The following CHSY3 variants were observed in gnomAD, a reference collection of about 807,000 sequenced individuals.
CHSY3 encodes the protein chondroitin sulfate synthase 3.
CHSY3 carries 35 observed loss-of-function variants against 67.2 expected under a neutral mutation model. That is an observed-to-expected ratio of 0.52 (90% CI 0.40 to 0.69). CHSY3 has a LOEUF of 0.69. Ranked by LOEUF, CHSY3 falls within the 30% of genes least tolerant of loss-of-function variation. The pLI is 0.00. For missense variants in CHSY3, 1,069 were observed against 1,138.5 expected (o/e 0.94, Z 0.88); for synonymous variants, 474 against 434.7 (o/e 1.09, Z -1.12).
intron 2 of CHSY3, among the ~76,000 whole-genome samples, chr5:130,135,293 C>A (rs1037684990): frequency 6.6e-6 from 1 of 151,680 alleles, no homozygotes; most frequent in Admixed American, 6.6e-5. Context: ...TACACACACA[C>A]ACACCCTGTG....
intron 2 of CHSY3, among the ~76,000 whole-genome samples, chr5:129,959,385 G>T (rs949038175): frequency 2.0e-5 from 3 of 151,998 alleles, no homozygotes; most frequent in Non-Finnish European, 4.4e-5. Context: ...CTACCTATGG[G>T]ATTGTAGTTT....
In CHSY3 at chr5:130,177,608, T is replaced by C. The variant is rs1056334924; in HGVS notation, c.1087-6621T>C. 6.6e-5 allele frequency among the ~76,000 whole-genome samples: 10 copies of C among 152,270 alleles called. No homozygotes were observed. In the East Asian group the frequency reaches 9.7e-4, roughly 15 times the overall value. ...TTACTTTTTGTACTTCCAGTTTTCA[T>C]TGAGAAGTCTATAGACATGCTGCTT... On this transcript the variant is annotated intron_variant, in intron 2 of 2. Transcript: ENST00000305031.
chr5:129,922,731 A>G (rs1760966756), intron 2 of CHSY3, among the ~76,000 whole-genome samples: 1 of 152,062 alleles, frequency 6.6e-6, no homozygotes, highest in Admixed American at 6.6e-5. Context: ...TATTTTGGTT[A>G]TCAATCTCTT....
chr5:130,167,359 T>G (rs986139929), intron 2 of CHSY3, among the ~76,000 whole-genome samples: 1 of 152,050 alleles, frequency 6.6e-6, no homozygotes, highest in African/African-American at 2.4e-5. Context: ...TGTTGATGAT[T>G]ACATTTTGAA....
At position 130,140,354 on chromosome 5, in the gene CHSY3, CA is replaced by C. The variant is rs908908240; in HGVS notation, c.1087-43870del. 2.1e-5 allele frequency: 12 copies of C among 582,536 alleles called. No homozygotes were observed. The South Asian group carries it at 2.1e-4, about 10-fold the overall frequency. The allele number at this position is 582,536 out of a possible 1,614,324, so 36.1% of individuals were successfully genotyped here. On this transcript the variant is annotated intron_variant, in intron 2 of 2. Coordinates refer to ENST00000305031, the MANE Select transcript of CHSY3 (RefSeq NM_175856.5). Reference sequence around the variant, plus strand: ...GTCCAAGTAGAATACAAGGGAGAGACAAAAAGCTTCTATCCAGAGGAAGTGT... The same window carrying C: ...GTCCAAGTAGAATACAAGGGAGAGACAAAAGCTTCTATCCAGAGGAAGTGT...
chr5:129,956,056 G>C (rs545067366), intron 2 of CHSY3, among the ~76,000 whole-genome samples: 1 of 152,180 alleles, frequency 6.6e-6, no homozygotes, highest in African/African-American at 2.4e-5. Flanking sequence ...ATCAGTAATG[G>C]GATTGCTGGG....
At chr5:130,045,636 G>A (rs1257921031) in intron 2 of CHSY3, among the ~76,000 whole-genome samples, 1 of 152,052 alleles carries the variant, frequency 6.6e-6, no homozygotes, top group African/African-American at 2.4e-5. Flanking sequence ...TAGATTTGGT[G>A]CTCTCTATGG....
chr5:130,070,997 T>C (rs1394827896), intron 2 of CHSY3, among the ~76,000 whole-genome samples: 1 of 152,100 alleles, frequency 6.6e-6, no homozygotes, highest in Non-Finnish European at 1.5e-5. Flanking sequence ...TGTTCATTTA[T>C]CTATATAAGT....
Position 129,904,778 on chromosome 5 carries a change from C to T in CHSY3, c.-52C>T. ...AGGGGCGGGTGTGAGCCGGGGAAAC[C>T]GCGTGCCGCGCCGCGACAGCCCAGC... is the stretch of plus-strand genomic sequence containing the variant. On this transcript the variant is annotated 5_prime_UTR_variant, in exon 1 of 3. Transcript: ENST00000305031. 1 of 1,311,350 alleles carries T rather than the reference C, an allele frequency of 7.6e-7. No individual in the cohort carries two copies. Among genetic ancestry groups the T allele is most frequent in the Non-Finnish European group, 9.7e-7 (1 of 1,031,216 alleles). The allele number at this position is 1,311,350 out of a possible 1,614,324, so 81.2% of individuals were successfully genotyped here. A position where few individuals can be genotyped will look rare whatever the true frequency, so the allele number is the denominator to read the frequency against.
intron 2 of CHSY3, among the ~76,000 whole-genome samples, chr5:130,042,027 G>A (rs540096034): frequency 2.0e-5 from 3 of 152,146 alleles, no homozygotes; most frequent in African/African-American, 7.2e-5. Context: ...TTGAGTGCAG[G>A]GGTTCAAGAC....
At chr5:129,945,912 T>TA (rs1761842580) in intron 2 of CHSY3, among the ~76,000 whole-genome samples, 2 of 152,304 alleles carry the variant, frequency 1.3e-5, no homozygotes, top group Admixed American at 6.5e-5. Context: ...CTCTTTTTTT[T>TA]ATTCTGTAGA....
chr5:129,918,089 C>T (rs1015135317), intron 2 of CHSY3, among the ~76,000 whole-genome samples: 2 of 152,168 alleles, frequency 1.3e-5, no homozygotes, highest in Admixed American at 1.3e-4. Context: ...GCCTGTTACT[C>T]GTCTATTCCA....
At chr5:129,952,334 C>G (rs1177533370) in intron 2 of CHSY3, among the ~76,000 whole-genome samples, 1 of 152,084 alleles carries the variant, frequency 6.6e-6, no homozygotes, top group East Asian at 1.9e-4. Flanking sequence ...TTGAAGACCC[C>G]TGGAAAGTGT....
intron 2 of CHSY3, among the ~76,000 whole-genome samples, chr5:129,959,555 G>T (rs574380223): frequency 6.6e-6 from 1 of 152,014 alleles, no homozygotes; most frequent in Non-Finnish European, 1.5e-5. Context: ...TTTCAATATC[G>T]TTAAATAGGG....
chr5:129,930,367 G>A (rs2149588192), intron 2 of CHSY3, among the ~76,000 whole-genome samples: 1 of 149,978 alleles, frequency 6.7e-6, no homozygotes, highest in South Asian at 2.1e-4. Flanking sequence ...CTTATTCTAA[G>A]CACATAACCA....
intron 2 of CHSY3, among the ~76,000 whole-genome samples, chr5:130,093,458 C>A (rs140783212): frequency 1.8e-4 from 28 of 152,180 alleles, no homozygotes; most frequent in African/African-American, 6.7e-4. Flanking sequence ...CTTATATAAC[C>A]AGATTTCCCT....
chr5:130,031,060 A>G (rs887880352), intron 2 of CHSY3, among the ~76,000 whole-genome samples: 3 of 152,064 alleles, frequency 2.0e-5, no homozygotes, highest in Non-Finnish European at 2.9e-5. Flanking sequence ...GGTGTCATAT[A>G]AAGAAGACCA....
chr5:130,106,265 C>T (rs1479210825), intron 2 of CHSY3, among the ~76,000 whole-genome samples: 1 of 151,636 alleles, frequency 6.6e-6, no homozygotes, highest in Non-Finnish European at 1.5e-5. Flanking sequence ...GACAGTCATG[C>T]GCTTACACTT....
At chr5:129,950,056 C>A (rs1761981108) in intron 2 of CHSY3, among the ~76,000 whole-genome samples, 1 of 151,386 alleles carries the variant, frequency 6.6e-6, no homozygotes, top group South Asian at 2.1e-4. Context: ...CTCAGCTACT[C>A]AGGAGGCTGA....
Sources: allele counts gnomAD v4.1 joint callset (sites outside exome capture counted in the v4.1 genomes callset), GRCh38; gene constraint gnomAD v4.1.1; transcripts MANE v1.5; gene names NCBI Gene and HGNC (gene_info 2026-07-23, HGNC 2026-07-21).